The following NACC2 variants were observed in gnomAD, a reference collection of about 807,000 sequenced individuals.
NACC2 encodes the protein NACC family member 2, also known as nucleus accumbens-associated protein 2.
A neutral mutation model predicts 25.1 loss-of-function variants in NACC2; 8 were observed. The ratio of observed to expected loss-of-function variants is 0.32; its 90% CI spans 0.19 to 0.57. The LOEUF (loss-of-function observed/expected upper bound fraction) is 0.57. Ranked by LOEUF, NACC2 falls within the 20% of genes least tolerant of loss-of-function variation. NACC2 has a pLI of 0.89. For missense variants in NACC2, 644 were observed against 650.2 expected (o/e 0.99, Z 0.10); for synonymous variants, 435 against 294.7 (o/e 1.48, Z -4.88).
Position 136,071,132 on chromosome 9 carries a change from T to C in NACC2, c.-59-20552A>G, listed in dbSNP as rs376186611. On this transcript the variant is annotated intron_variant, in intron 1 of 5. Transcript: ENST00000277554. Reference sequence around the variant, plus strand: ...CCTGTAATCCCAGCTACTCGGGAGGTTGAGGCAGGAGAATCGCTTGAACCT... The same window carrying C: ...CCTGTAATCCCAGCTACTCGGGAGGCTGAGGCAGGAGAATCGCTTGAACCT... 5.3e-4 allele frequency among the ~76,000 whole-genome samples: 80 copies of C among 150,884 alleles called. 1 individual carries two copies. Among genetic ancestry groups the C allele is most frequent in the African/African-American group, 1.9e-3 (79 of 40,694 alleles).
chr9:136,073,389 C>T (rs190823291), intron 1 of NACC2, among the ~76,000 whole-genome samples: 40 of 152,056 alleles, frequency 2.6e-4, no homozygotes, highest in African/African-American at 8.7e-4. Context: ...GTGGTCTTAC[C>T]GCTGCACTCC....
Position 136,007,203 on chromosome 9 carries a change from G to C in NACC2, c.*4313C>G, listed in dbSNP as rs952075625. The C allele has an allele frequency of 1.3e-5, 2 of 154,540 alleles. No individual in the cohort carries two copies. The highest frequency in any genetic ancestry group is 4.8e-5 in the African/African-American group (2 of 41,650). 9.6% of individuals were successfully genotyped at this position (154,540 alleles called of 1,614,324 possible). A position where few individuals can be genotyped will look rare whatever the true frequency, so the allele number is the denominator to read the frequency against. ...GATCGGAATACGAGCCGGTCGTCCA[G>C]TCTGAATGCTTGCGATTCTGCATGA... is the stretch of plus-strand genomic sequence containing the variant. On this transcript the variant is annotated 3_prime_UTR_variant, in exon 6 of 6. Coordinates refer to ENST00000277554, the MANE Select transcript of NACC2 (RefSeq NM_144653.5).
Position 136,050,240 on chromosome 9 carries a change from G to C in NACC2, c.282C>G (p.Ala94=). 2.6e-6 allele frequency: 2 copies of C among 771,866 alleles called. No homozygotes were observed. The highest frequency in any genetic ancestry group is 4.8e-6 in the Non-Finnish European group (2 of 415,646). The allele number at this position is 771,866 out of a possible 1,614,324, so 47.8% of individuals were successfully genotyped here. The change falls in exon 2 of 6, where the codon GCC becomes GCG. Residue 94 remains alanine (A), a synonymous_variant. Coordinates refer to ENST00000277554, the MANE Select transcript of NACC2 (RefSeq NM_144653.5). ...TGTACATGACCACGAGCTGCTCGCT[G>C]GCCGTCATGGTGAGCCTGCCCGTGT... ...FCYTGRLTMT[A]SEQLVVMYTA... is the part of the protein sequence containing the mutation.
chr9:136,007,994 G>A lies in NACC2; in HGVS notation c.*3522C>T, dbSNP rs549118135. On this transcript the variant is annotated 3_prime_UTR_variant, in exon 6 of 6. Coordinates refer to ENST00000277554, the MANE Select transcript of NACC2 (RefSeq NM_144653.5). ...TGCCAAAGAATGACTCTTCCTGGAG[G>A]AGAAAGGAGGCCAGGCAGCCGGCTC... 1 of 152,348 alleles carries A rather than the reference G, an allele frequency of 6.6e-6. No individual in the cohort carries two copies. The highest frequency in any genetic ancestry group is 2.4e-5 in the African/African-American group (1 of 41,564). 9.4% of individuals were successfully genotyped at this position (152,348 alleles called of 1,614,324 possible).
chr9:136,092,165 C>T (rs942172167), intron 1 of NACC2, among the ~76,000 whole-genome samples: 1 of 152,244 alleles, frequency 6.6e-6, no homozygotes, highest in Non-Finnish European at 1.5e-5. Flanking sequence ...CGACTGCCCA[C>T]CTCTGGGAGG....
At chr9:136,085,595 A>AAG (rs1830371109) in intron 1 of NACC2, among the ~76,000 whole-genome samples, 1 of 151,564 alleles carries the variant, frequency 6.6e-6, no homozygotes, top group Admixed American at 6.6e-5. Context: ...TAAGGCCAGG[A>AAG]GGGGCCTGGG....
At chr9:136,088,755 T>C (rs1432885735) in intron 1 of NACC2, among the ~76,000 whole-genome samples, 2 of 152,110 alleles carry the variant, frequency 1.3e-5, no homozygotes, top group African/African-American at 2.4e-5. Context: ...TAGGGTCCCC[T>C]GGCCACAGAT....
Position 136,022,942 on chromosome 9 carries a change from C to T in NACC2, c.887-6513G>A, listed in dbSNP as rs986831371. On this transcript the variant is annotated intron_variant, in intron 2 of 5. Coordinates refer to ENST00000277554, the MANE Select transcript of NACC2 (RefSeq NM_144653.5). This position sits in a 1 kb window ranked among gnomAD's most constrained non-coding sequence, Gnocchi z 4.4. ...GTGCCTGTTAAGACACAGCCCGTTT[C>T]GTGGATGCTGACACATGGGGAAATG... 3.4e-5 allele frequency among the ~76,000 whole-genome samples: 5 copies of T among 147,130 alleles called. No individual in the cohort carries two copies. Among genetic ancestry groups the T allele is most frequent in the Admixed American group, 1.4e-4 (2 of 14,458 alleles).
chr9:136,081,623 A>G (rs1456488817), intron 1 of NACC2, among the ~76,000 whole-genome samples: 3 of 152,222 alleles, frequency 2.0e-5, no homozygotes, highest in Non-Finnish European at 4.4e-5. Flanking sequence ...ACGAAAGCAC[A>G]CTTAAAGTGA....
intron 1 of NACC2, among the ~76,000 whole-genome samples, chr9:136,072,620 G>A (rs1231003198): frequency 2.6e-5 from 4 of 152,212 alleles, no homozygotes; most frequent in African/African-American, 9.7e-5. Context: ...GGGATGCCGA[G>A]GCGGGCGGAT....
Position 136,016,379 on chromosome 9 carries a change from T to C in NACC2, c.937A>G (p.Ile313Val). The C allele has an allele frequency of 6.2e-7, 1 of 1,611,628 alleles. No homozygotes were observed. The highest frequency in any genetic ancestry group is 8.5e-7 in the Non-Finnish European group (1 of 1,179,902). Reference sequence around the variant, plus strand: ...GGTAGGGCCACGAGGTCGCGGCGGATGAGGACGCAGGAGCGGCTCTCCAGC... The same window carrying C: ...GGTAGGGCCACGAGGTCGCGGCGGACGAGGACGCAGGAGCGGCTCTCCAGC... ...VPLESRSCVL[I>V]RRDLVALPAS... is the part of the protein sequence containing the mutation. Residue 313 changes from isoleucine (I) to valine (V), a missense_variant, in exon 3 of 6, where the codon ATC becomes GTC. Physicochemically the swap from Ile to Val is conservative, Grantham distance 29 (BLOSUM62 3). Coordinates refer to ENST00000277554, the MANE Select transcript of NACC2 (RefSeq NM_144653.5).
intron 1 of NACC2, among the ~76,000 whole-genome samples, chr9:136,094,344 G>A (rs1000883054): frequency 7.2e-5 from 11 of 152,304 alleles, no homozygotes; most frequent in African/African-American, 2.6e-4. Context: ...CACGACGAGA[G>A]TCCAAGACCA....
intron 5 of NACC2, among the ~76,000 whole-genome samples, chr9:136,012,525 G>C (rs1031536577): frequency 6.6e-6 from 1 of 152,236 alleles, no homozygotes; most frequent in African/African-American, 2.4e-5. Flanking sequence ...GCAGGTCCCA[G>C]GGGCCACGTC....
chr9:136,022,275 T>C lies in NACC2; in HGVS notation c.887-5846A>G, dbSNP rs1840304833. Among the ~76,000 whole-genome samples, 1 of 152,134 alleles carries C rather than the reference T, an allele frequency of 6.6e-6. No individual in the cohort carries two copies. Among genetic ancestry groups the C allele is most frequent in the Admixed American group, 6.5e-5 (1 of 15,284 alleles). ...CAGGCCCGGGTGATGAGGTAACGGG[T>C]GCCCCACATGCAGTGGGCCTCGGGG... On this transcript the variant is annotated intron_variant, in intron 2 of 5. Transcript: ENST00000277554. This position sits in a 1 kb window ranked among gnomAD's most constrained non-coding sequence, Gnocchi z 4.4.
intron 2 of NACC2, among the ~76,000 whole-genome samples, chr9:136,017,794 C>G (rs1588557664): frequency 1.6e-5 from 2 of 125,238 alleles, no homozygotes; most frequent in Admixed American, 1.6e-4. Context: ...GCCCAGTCAG[C>G]TGCCTTCACT....
chr9:136,045,571 G>A (rs1034374552), intron 2 of NACC2, among the ~76,000 whole-genome samples: 1 of 152,210 alleles, frequency 6.6e-6, no homozygotes, highest in Non-Finnish European at 1.5e-5. Context: ...ACAGGAGGGG[G>A]TGTGGGCGCA....
At chr9:136,057,918 C>G (rs1840950270) in intron 1 of NACC2, among the ~76,000 whole-genome samples, 1 of 152,220 alleles carries the variant, frequency 6.6e-6, no homozygotes, top group South Asian at 2.1e-4. Flanking sequence ...GCTGGTCACC[C>G]AGCCCATTAG....
intron 1 of NACC2, among the ~76,000 whole-genome samples, chr9:136,089,657 C>T (rs1180088264): frequency 3.3e-5 from 5 of 152,050 alleles, no homozygotes; most frequent in Non-Finnish European, 1.5e-5. Context: ...TGGGTGACCC[C>T]TGTCCCCATT....
chr9:136,017,628 C>G (rs1051886759), intron 2 of NACC2, among the ~76,000 whole-genome samples: 1 of 152,166 alleles, frequency 6.6e-6, no homozygotes, highest in East Asian at 1.9e-4. Flanking sequence ...AGCGGGCCCC[C>G]GGTGCTCACA....
Sources: gnomAD v4.1 joint callset for allele counts (sites outside exome capture counted in the v4.1 genomes callset) on GRCh38, gnomAD v4.1.1 for gene constraint, Gnocchi (gnomAD v3.1) non-coding constraint, MANE v1.5 for transcripts, NCBI Gene and HGNC (gene_info 2026-07-23, HGNC 2026-07-21) for gene names.